GABBR2: variants seen among roughly 807,000 people sequenced by gnomAD.
The protein encoded by GABBR2 is G-protein coupled receptor 51.
In GABBR2, 23 loss-of-function variants were observed where a neutral mutation model predicts 105.6. That is an observed-to-expected ratio of 0.22 (90% CI 0.16 to 0.31). The LOEUF (loss-of-function observed/expected upper bound fraction) is 0.31. Among genes scored for constraint, GABBR2 ranks in the 10% least tolerant of loss-of-function variants. The pLI is 1.00. For missense variants in GABBR2, 734 were observed against 1,245.5 expected (o/e 0.59, Z 6.18); for synonymous variants, 478 against 499.7 (o/e 0.96, Z 0.58).
At chr9:98,546,489 T>C (rs1356971165) in intron 2 of GABBR2, among the ~76,000 whole-genome samples, 2 of 152,242 alleles carry the variant, frequency 1.3e-5, no homozygotes, top group Admixed American at 6.5e-5. Flanking sequence ...TTAATAGATA[T>C]TCATTGAGCG....
chr9:98,708,716 C>G lies in GABBR2; in HGVS notation c.22G>C (p.Gly8Arg). The change falls in exon 1 of 19, where the codon GGG (glycine) becomes CGG (arginine). Residue 8 changes from glycine (G) to arginine (R), a missense_variant. By Grantham distance (125) the Gly-to-Arg change is moderately radical. This residue lies in a region of GABBR2 where 70 missense variants were observed against 73.4 expected (regional missense o/e 0.95). Coordinates refer to ENST00000259455, the MANE Select transcript of GABBR2 (RefSeq NM_005458.8). ...GGCGGCGGCGGCGGCCCGGGCTGCC[C>G]GGAGCTCCGCGGGGAAGCCATGCCG... Reference protein sequence around the residue: MASPRSSGQPGPPPPPPP... With the variant: MASPRSSRQPGPPPPPPP... 1 of 992,940 alleles carries G rather than the reference C, an allele frequency of 1.0e-6. No homozygotes were observed. Among genetic ancestry groups the G allele is most frequent in the Non-Finnish European group, 1.2e-6 (1 of 837,146 alleles). The allele number at this position is 992,940 out of a possible 1,614,324, so 61.5% of individuals were successfully genotyped here.
chr9:98,642,164 G>A (rs995105130), intron 1 of GABBR2, among the ~76,000 whole-genome samples: 1 of 152,136 alleles, frequency 6.6e-6, no homozygotes, highest in Non-Finnish European at 1.5e-5. Flanking sequence ...TTCATGCCCT[G>A]ATAAATAGTT....
Position 98,566,965 on chromosome 9 carries a change from C to A in GABBR2, c.459+10970G>T, listed in dbSNP as rs565000040. Among the ~76,000 whole-genome samples, 4 of 152,308 alleles carry A rather than the reference C, an allele frequency of 2.6e-5. No individual in the cohort carries two copies. The East Asian group carries it at 7.7e-4, about 29-fold the overall frequency. ...TTAGGCTGGTGTTAATCCCATTTTACATGTTTGTCCCCAGAGGGAGCTCAT... is the reference window on the plus strand; with the variant it reads ...TTAGGCTGGTGTTAATCCCATTTTAAATGTTTGTCCCCAGAGGGAGCTCAT... On this transcript the variant is annotated intron_variant, in intron 2 of 18. Coordinates refer to ENST00000259455, the MANE Select transcript of GABBR2 (RefSeq NM_005458.8).
intron 13 of GABBR2, among the ~76,000 whole-genome samples, chr9:98,340,923 G>C (rs1221310353): frequency 2.0e-5 from 3 of 152,268 alleles, no homozygotes; most frequent in African/African-American, 4.8e-5. Context: ...GAAGAAGCCA[G>C]GATGTCACAC....
chr9:98,664,445 T>C (rs117648436), intron 1 of GABBR2, among the ~76,000 whole-genome samples: 1 of 152,182 alleles, frequency 6.6e-6, no homozygotes, highest in South Asian at 2.1e-4. Flanking sequence ...TAACGCAGAC[T>C]CAGGTACACG....
chr9:98,347,150 CCCA>C (rs1165551979), intron 13 of GABBR2, among the ~76,000 whole-genome samples: 1 of 152,130 alleles, frequency 6.6e-6, no homozygotes, highest in Non-Finnish European at 1.5e-5. Flanking sequence ...CTGAGAAACC[CCCA>C]CATTATTTTC....
chr9:98,560,324 A>G (rs1251930647), intron 2 of GABBR2, among the ~76,000 whole-genome samples: 1 of 152,132 alleles, frequency 6.6e-6, no homozygotes, highest in Non-Finnish European at 1.5e-5. Context: ...ACACATTTTC[A>G]CTGTCCAGCC....
intron 1 of GABBR2, among the ~76,000 whole-genome samples, chr9:98,683,657 T>C (rs111802525): frequency 8.1e-4 from 123 of 152,046 alleles, no homozygotes; most frequent in African/African-American, 2.8e-3. Context: ...TGCGGCACCC[T>C]TGTTTAGAAG....
At chr9:98,578,795 C>T (rs553915498) in intron 1 of GABBR2, among the ~76,000 whole-genome samples, 3 of 152,234 alleles carry the variant, frequency 2.0e-5, no homozygotes, top group Non-Finnish European at 4.4e-5. Flanking sequence ...GAAGGAAATT[C>T]GGACACACGC....
At chr9:98,351,173 T>TAA (rs34179173) in intron 13 of GABBR2, among the ~76,000 whole-genome samples, 8 of 151,936 alleles carry the variant, frequency 5.3e-5, no homozygotes, top group South Asian at 2.1e-4. Context: ...GTTGGCTTTT[T>TAA]AAAAAAAATC....
At chr9:98,358,519 A>G (rs1831527847) in intron 13 of GABBR2, among the ~76,000 whole-genome samples, 1 of 152,138 alleles carries the variant, frequency 6.6e-6, no homozygotes, top group Admixed American at 6.5e-5. Flanking sequence ...ACCCTGTACC[A>G]TGAGGGTTGT....
At chr9:98,330,983 C>A (rs1281637501) in intron 13 of GABBR2, among the ~76,000 whole-genome samples, 2 of 152,128 alleles carry the variant, frequency 1.3e-5, no homozygotes, top group Admixed American at 1.3e-4. Context: ...ACATTTTACA[C>A]CAATAGAATC....
chr9:98,554,542 A>G (rs116551675), intron 2 of GABBR2, among the ~76,000 whole-genome samples: 2,390 of 152,026 alleles, frequency 0.016, 61 homozygotes, highest in African/African-American at 0.054. Flanking sequence ...TTCTTTTTAA[A>G]CTTCTATTAT....
chr9:98,321,923 A>C (rs1238016181), intron 13 of GABBR2, among the ~76,000 whole-genome samples: 1 of 152,002 alleles, frequency 6.6e-6, no homozygotes, highest in Admixed American at 6.6e-5. Flanking sequence ...CCCTGGCCTG[A>C]AACTCGTCCT....
intron 7 of GABBR2, among the ~76,000 whole-genome samples, chr9:98,406,904 C>G (rs930906589): frequency 6.6e-6 from 1 of 152,112 alleles, no homozygotes; most frequent in Admixed American, 6.5e-5. Context: ...TGCAGCCATA[C>G]GAGGAAATTG....
chr9:98,671,567 GA>G (rs1264361727), intron 1 of GABBR2, among the ~76,000 whole-genome samples: 19 of 152,252 alleles, frequency 1.2e-4, no homozygotes, highest in Admixed American at 7.8e-4. Flanking sequence ...TCATTTAAGC[GA>G]CTGCCAGACT....
At chr9:98,357,476 C>T (rs574166246) in intron 13 of GABBR2, among the ~76,000 whole-genome samples, 130 of 152,158 alleles carry the variant, frequency 8.5e-4, no homozygotes, top group Middle Eastern at 3.4e-3. Flanking sequence ...GAGGAAACTC[C>T]GTCTTTACAA....
chr9:98,438,726 A>G (rs761263586), intron 7 of GABBR2, among the ~76,000 whole-genome samples: 5 of 152,106 alleles, frequency 3.3e-5, no homozygotes, highest in Non-Finnish European at 5.9e-5. Context: ...ACCATTTTTT[A>G]TTACTGAAAA....
In GABBR2 at chr9:98,392,459, C is replaced by T. The variant is rs188979965; in HGVS notation, c.1378+1716G>A. Among the ~76,000 whole-genome samples, 97 of 152,256 alleles carry T rather than the reference C, an allele frequency of 6.4e-4. 1 individual carries two copies. The highest frequency in any genetic ancestry group is 2.3e-3 in the African/African-American group (94 of 41,542). On this transcript the variant is annotated intron_variant, in intron 9 of 18. Transcript: ENST00000259455. ...GTGTCACCCTTGAGGTAATACTTGACGATATGTCTGGTGACAGCTCCCTCA... is the reference window on the plus strand; with the variant it reads ...GTGTCACCCTTGAGGTAATACTTGATGATATGTCTGGTGACAGCTCCCTCA...
Sources: allele counts gnomAD v4.1 joint callset (sites outside exome capture counted in the v4.1 genomes callset), GRCh38; gene constraint gnomAD v4.1.1; regional missense constraint gnomAD v4.1.1; transcripts MANE v1.5; gene names NCBI Gene and HGNC (gene_info 2026-07-23, HGNC 2026-07-21).